The following DSCAM variants were observed in gnomAD, a reference collection of about 807,000 sequenced individuals.
DSCAM encodes cell adhesion molecule DSCAM.
Under a neutral mutation model 217.7 loss-of-function variants are expected in DSCAM, and 47 were observed. The observed-to-expected ratio is 0.22, with a 90% confidence interval of 0.17 to 0.28. DSCAM has a LOEUF of 0.28. Ranked by LOEUF, DSCAM falls within the 10% of genes least tolerant of loss-of-function variation. DSCAM has a pLI of 1.00. For synonymous variants in DSCAM, 1,056 were observed against 1,015.3 expected (o/e 1.04, Z -0.76); for missense variants, 2,080 against 2,618.3 (o/e 0.79, Z 4.49).
chr21:40,765,101 A>T (rs956430805), intron 1 of DSCAM, among the ~76,000 whole-genome samples: 2 of 65,174 alleles, frequency 3.1e-5, no homozygotes, highest in Non-Finnish European at 5.6e-5. Context: ...GTATCACAGA[A>T]AAAAAAAAAA....
At chr21:40,621,907 G>C (rs980577623) in intron 3 of DSCAM, among the ~76,000 whole-genome samples, 1 of 69,130 alleles carries the variant, frequency 1.4e-5, no homozygotes, top group Non-Finnish European at 2.8e-5. Context: ...GAGAAGGGAG[G>C]GAGGGAGGGG....
chr21:40,841,629 G>A (rs2092102563), intron 1 of DSCAM, among the ~76,000 whole-genome samples: 1 of 152,134 alleles, frequency 6.6e-6, no homozygotes. Context: ...CTGCGGAGGA[G>A]CGGGCACGTC....
intron 11 of DSCAM, among the ~76,000 whole-genome samples, chr21:40,250,637 A>G (rs940754880): frequency 1.3e-5 from 2 of 152,164 alleles, no homozygotes; most frequent in Non-Finnish European, 2.9e-5. Flanking sequence ...ATCTGTGAAA[A>G]GGCAGCCCTC....
At chr21:40,225,103 C>T (rs1308123022) in intron 11 of DSCAM, among the ~76,000 whole-genome samples, 2 of 152,242 alleles carry the variant, frequency 1.3e-5, no homozygotes, top group African/African-American at 4.8e-5. Context: ...TCCCTGTTCA[C>T]AGGAGATTGG....
chr21:40,050,892 A>C (rs1239692100), intron 30 of DSCAM, among the ~76,000 whole-genome samples: 1 of 152,352 alleles, frequency 6.6e-6, no homozygotes, highest in South Asian at 2.1e-4. Context: ...GGCGGTAAGA[A>C]GATTAGACAA....
At chr21:40,284,093 G>T (rs181990510) in intron 10 of DSCAM, among the ~76,000 whole-genome samples, 1 of 152,338 alleles carries the variant, frequency 6.6e-6, no homozygotes, top group African/African-American at 2.4e-5. Flanking sequence ...TTGGGGGATT[G>T]CAGGAAAGCA....
intron 1 of DSCAM, among the ~76,000 whole-genome samples, chr21:40,747,449 A>G (rs1254606317): frequency 6.6e-6 from 1 of 151,816 alleles, no homozygotes. Context: ...GAAATTGGAA[A>G]ATCTAGAAGA....
chr21:40,262,126 C>G (rs1243213223), intron 11 of DSCAM, among the ~76,000 whole-genome samples: 3 of 152,100 alleles, frequency 2.0e-5, no homozygotes, highest in East Asian at 1.9e-4. Context: ...CAGCCACCCA[C>G]AAGCCAAGAA....
At chr21:40,575,595 T>C (rs998680574) in intron 3 of DSCAM, among the ~76,000 whole-genome samples, 2 of 152,098 alleles carry the variant, frequency 1.3e-5, no homozygotes, top group African/African-American at 4.8e-5. Flanking sequence ...TGGAGGGAAA[T>C]AAACCTTGAG....
In DSCAM at chr21:40,013,029, G is replaced by A. The variant is rs1337311681; in HGVS notation, c.*5C>T. The A allele has an allele frequency of 4.8e-6, 7 of 1,446,788 alleles. No individual in the cohort carries two copies. The highest frequency in any genetic ancestry group is 5.5e-6 in the Non-Finnish European group (6 of 1,095,802). The allele number at this position is 1,446,788 out of a possible 1,614,324, so 89.6% of individuals were successfully genotyped here. On this transcript the variant is annotated 3_prime_UTR_variant, in exon 33 of 33. Transcript: ENST00000400454. Reference sequence around the variant, plus strand: ...TTTACAACCGCTGTCCAGTCATGCTGTCTGTTATACCAGGGTGTAAGATTT... The same window carrying A: ...TTTACAACCGCTGTCCAGTCATGCTATCTGTTATACCAGGGTGTAAGATTT...
intron 32 of DSCAM, among the ~76,000 whole-genome samples, chr21:40,036,086 T>C (rs544415365): frequency 0.15 from 18,578 of 122,374 alleles, 1,950 homozygotes; most frequent in Middle Eastern, 0.23. Flanking sequence ...ATTGACACCC[T>C]AACATCACAA....
At chr21:40,184,302 C>T (rs1157293415) in intron 14 of DSCAM, among the ~76,000 whole-genome samples, 1 of 152,220 alleles carries the variant, frequency 6.6e-6, no homozygotes. Flanking sequence ...ACAACTCGTA[C>T]AGCAGTGAGT....
intron 3 of DSCAM, among the ~76,000 whole-genome samples, chr21:40,644,921 T>C (rs2089926985): frequency 6.6e-6 from 1 of 152,178 alleles, no homozygotes; most frequent in Non-Finnish European, 1.5e-5. Context: ...AACTGCCAAA[T>C]TTTAAAAATT....
At chr21:40,264,703 G>C (rs2073499154) in intron 11 of DSCAM, among the ~76,000 whole-genome samples, 1 of 152,114 alleles carries the variant, frequency 6.6e-6, no homozygotes. Context: ...GTCCTAGCCA[G>C]AGAAATCAGG....
intron 16 of DSCAM, 72 bp downstream of exon 16, chr21:40,167,146 T>C (rs2090604003): frequency 4.3e-6 from 6 of 1,398,266 alleles, no homozygotes; most frequent in South Asian, 1.2e-5. Context: ...CTTGGTGTCA[T>C]AACACTGAAC....
intron 1 of DSCAM, among the ~76,000 whole-genome samples, chr21:40,802,516 C>T (rs1469703326): frequency 6.6e-6 from 1 of 152,132 alleles, no homozygotes; most frequent in Non-Finnish European, 1.5e-5. Flanking sequence ...ATGTTTACTC[C>T]CTCTGAAACT....
At position 40,093,798 on chromosome 21, in the gene DSCAM, C is replaced by T; in HGVS notation, c.3773G>A (p.Ser1258Asn). 2 of 1,614,106 alleles carry T rather than the reference C, an allele frequency of 1.2e-6. No homozygotes were observed. The highest frequency in any genetic ancestry group is 1.3e-5 in the African/African-American group (1 of 75,030). ...IPNLSRNRQY[S>N]VWVVAVTSAG... The stretch of plus-strand genomic sequence containing the variant: ...TGAAGTAACAGCCACCACCCAGACG[C>T]TGTACTGACGATTCCTACTCAGGTT... The change falls in exon 21 of 33, where the codon AGC becomes AAC. Residue 1258 changes from serine to asparagine, a missense_variant. Ser to Asn is a conservative substitution (Grantham distance 46, BLOSUM62 1). Coordinates refer to ENST00000400454, the MANE Select transcript of DSCAM (RefSeq NM_001389.5).
chr21:40,731,283 GA>G (rs1159616994), intron 1 of DSCAM, among the ~76,000 whole-genome samples: 1 of 152,154 alleles, frequency 6.6e-6, no homozygotes, highest in Non-Finnish European at 1.5e-5. Context: ...GTGATAGTGA[GA>G]ATAATGTTAA....
intron 20 of DSCAM, among the ~76,000 whole-genome samples, chr21:40,116,736 C>T (rs1209002928): frequency 2.0e-5 from 3 of 151,062 alleles, no homozygotes; most frequent in South Asian, 4.2e-4. Context: ...GGCGCGGTGG[C>T]TCACGCCTGT....
Sources: allele counts gnomAD v4.1 joint callset (sites outside exome capture counted in the v4.1 genomes callset), GRCh38; gene constraint gnomAD v4.1.1; transcripts MANE v1.5; gene names NCBI Gene and HGNC (gene_info 2026-07-23, HGNC 2026-07-21).